The following SPATA33 variants were observed in gnomAD, a reference collection of about 807,000 sequenced individuals.
SPATA33 encodes the protein spermatogenesis associated 33.
Under a neutral mutation model 8.9 loss-of-function variants are expected in SPATA33, and 10 were observed. The observed-to-expected ratio is 1.12, with a 90% CI of 0.69 to 1.90. SPATA33 has a LOEUF of 1.90. SPATA33 is among the 40% of genes most tolerant of loss of function. SPATA33 has a pLI of 0.00. For synonymous variants in SPATA33, 96 were observed against 72.8 expected, an observed-to-expected ratio of 1.32 and a Z score of -1.63; for missense variants, 241 against 178.3, an observed-to-expected ratio of 1.35 and a Z score of -2.00.
At chr16:89,659,686 AG>A (rs2151524979) in intron 2 of SPATA33, 1 of 151,538 alleles carries the variant, frequency 6.6e-6, no homozygotes, top group South Asian at 2.1e-4. Flanking sequence ...ACTCTGTCTC[AG>A]AAAAAAAAAA....
At position 89,669,511 on chromosome 16, in the gene SPATA33, C is replaced by A. The variant is rs1456172645; in HGVS notation, c.*14C>A. The A allele has an allele frequency of 6.2e-7, 1 of 1,611,256 alleles. No homozygotes were observed. Among genetic ancestry groups the A allele is most frequent in the South Asian group, 1.1e-5 (1 of 90,966 alleles). Reference sequence around the variant, plus strand: ...CTCAAAGAATAAACAAGCACCTTTGCATGGCACTCGCTACTCCCTGCGATA... The same window carrying A: ...CTCAAAGAATAAACAAGCACCTTTGAATGGCACTCGCTACTCCCTGCGATA... On this transcript the variant is annotated 3_prime_UTR_variant, in exon 3 of 3. Coordinates refer to ENST00000579310, the MANE Select transcript of SPATA33 (RefSeq NM_001271907.2).
At chr16:89,664,440 G>C (rs550096713) in intron 2 of SPATA33, among the ~76,000 whole-genome samples, 5 of 152,314 alleles carry the variant, frequency 3.3e-5, no homozygotes, top group South Asian at 2.1e-4. Context: ...AGAGGGAGGT[G>C]TGTCTCTCCT....
chr16:89,658,127 C>T, intron 1 of SPATA33, 121 bp from the exon 2 acceptor site: 14 of 1,523,108 alleles, frequency 9.2e-6, no homozygotes, highest in Non-Finnish European at 1.2e-5. Flanking sequence ...GTTACGGAAA[C>T]GCGGAGACTC....
Position 89,658,121 on chromosome 16 carries a change from C to G in SPATA33, c.38-127C>G. 4.0e-6 allele frequency: 6 copies of G among 1,514,072 alleles called. No individual in the cohort carries two copies. In the South Asian group the frequency reaches 6.6e-5, roughly 17 times the overall value. 93.8% of individuals were successfully genotyped at this position (1,514,072 alleles called of 1,614,324 possible). A position where few individuals can be genotyped will look rare whatever the true frequency, so the allele number is the denominator to read the frequency against. On this transcript the variant is annotated intron_variant, in intron 1 of 2. Transcript: ENST00000579310. ...GCGCGTTTCCCGCCTGAGGCGGTTA[C>G]GGAAACGCGGAGACTCGAGACTTGA...
chr16:89,663,990 G>T (rs1391582864), intron 2 of SPATA33, among the ~76,000 whole-genome samples: 3 of 152,136 alleles, frequency 2.0e-5, no homozygotes, highest in African/African-American at 4.8e-5. Flanking sequence ...GTAGTGGAGT[G>T]TGCCTGTAGC....
At chr16:89,668,167 C>A (rs1189748845) in intron 2 of SPATA33, 1 of 152,188 alleles carries the variant, frequency 6.6e-6, no homozygotes, top group East Asian at 1.9e-4. Flanking sequence ...CAAAAATTCC[C>A]CAGGTGTGGT....
chr16:89,663,061 G>C (rs543326913), intron 2 of SPATA33, among the ~76,000 whole-genome samples: 2 of 152,086 alleles, frequency 1.3e-5, no homozygotes, highest in Non-Finnish European at 2.9e-5. Context: ...CAAAGTGCCA[G>C]TGTTACAGGT....
At chr16:89,665,482 T>C (rs2060014577) in intron 2 of SPATA33, among the ~76,000 whole-genome samples, 1 of 145,432 alleles carries the variant, frequency 6.9e-6, no homozygotes, top group Admixed American at 6.8e-5. Context: ...TTTTTTGTAT[T>C]TTTTTTTTTT....
chr16:89,667,797 G>T (rs1034311686), intron 2 of SPATA33, among the ~76,000 whole-genome samples: 2 of 152,240 alleles, frequency 1.3e-5, no homozygotes, highest in Non-Finnish European at 2.9e-5. Context: ...CGTCTGACTA[G>T]CCTTAGGCAG....
At chr16:89,660,774 G>A (rs1597801839) in intron 2 of SPATA33, 2 of 945,626 alleles carry the variant, frequency 2.1e-6, no homozygotes, top group Non-Finnish European at 1.4e-6. Flanking sequence ...GGAGGGTGAT[G>A]GAAATGGTTT....
chr16:89,665,674 T>C (rs867781108), intron 2 of SPATA33, among the ~76,000 whole-genome samples: 3 of 152,322 alleles, frequency 2.0e-5, no homozygotes, highest in Middle Eastern at 3.4e-3. Flanking sequence ...TGTTTTAGAC[T>C]AGAAAATTTC....
chr16:89,662,796 G>GT (rs1256068676), intron 2 of SPATA33, among the ~76,000 whole-genome samples: 2 of 150,478 alleles, frequency 1.3e-5, no homozygotes, highest in Non-Finnish European at 3.0e-5. Context: ...GTGACGTTTT[G>GT]TTGTTTGTTT....
intron 2 of SPATA33, chr16:89,659,667 C>T (rs1303571555): frequency 2.0e-5 from 3 of 150,884 alleles, no homozygotes; most frequent in Non-Finnish European, 2.9e-5. Context: ...GCCTGGGCTA[C>T]AGAGTGAGAC....
intron 2 of SPATA33, chr16:89,661,348 C>T (rs993568808): frequency 4.2e-5 from 16 of 376,688 alleles, no homozygotes; most frequent in African/African-American, 2.9e-4. Context: ...TCACGAGATC[C>T]GATGGTTTTA....
At chr16:89,666,991 A>G (rs1258212873) in intron 2 of SPATA33, among the ~76,000 whole-genome samples, 1 of 152,224 alleles carries the variant, frequency 6.6e-6, no homozygotes, top group Non-Finnish European at 1.5e-5. Context: ...CATCACAGGG[A>G]GACGATTAGG....
At chr16:89,662,218 C>G (rs192001271) in intron 2 of SPATA33, among the ~76,000 whole-genome samples, 1 of 151,274 alleles carries the variant, frequency 6.6e-6, no homozygotes, top group African/African-American at 2.4e-5. Context: ...AGCTGGAACC[C>G]AGGAAGCAGA....
chr16:89,664,128 G>T (rs1354910131), intron 2 of SPATA33, among the ~76,000 whole-genome samples: 1 of 152,112 alleles, frequency 6.6e-6, no homozygotes, highest in Non-Finnish European at 1.5e-5. Context: ...ATGCTTCCTA[G>T]CAAGGAAAGA....
rs2060072832 is a variant in SPATA33 at position 89,669,579 on chromosome 16, C to T, written c.*82C>T. The T allele has an allele frequency of 7.0e-7, 1 of 1,426,816 alleles. No homozygotes were observed. Among genetic ancestry groups the T allele is most frequent in the South Asian group, 1.2e-5 (1 of 83,200 alleles). The allele number at this position is 1,426,816 out of a possible 1,614,324, so 88.4% of individuals were successfully genotyped here. ...CGCCTCACCCTGTGAGAAGCCGAGG[C>T]CCCTTCTCCAGTGCTCTCGGGGAGG... On this transcript the variant is annotated 3_prime_UTR_variant, in exon 3 of 3. Transcript: ENST00000579310.
chr16:89,662,152 G>A (rs1568012256), intron 2 of SPATA33, among the ~76,000 whole-genome samples: 1 of 151,956 alleles, frequency 6.6e-6, no homozygotes. Context: ...AAATTAGCTG[G>A]GTGTGGTGGT....
Sources: gnomAD v4.1 joint callset for allele counts (sites outside exome capture counted in the v4.1 genomes callset) on GRCh38, gnomAD v4.1.1 for gene constraint, MANE v1.5 for transcripts, NCBI Gene and HGNC (gene_info 2026-07-23, HGNC 2026-07-21) for gene names.